NT5C3A: variants seen among roughly 807,000 people sequenced by gnomAD.
NT5C3A encodes the protein cytosolic 5'-nucleotidase 3A.
In NT5C3A, 23 loss-of-function variants were observed where a neutral mutation model predicts 40.0. That is an observed-to-expected ratio of 0.58 (90% CI 0.41 to 0.81). The LOEUF (loss-of-function observed/expected upper bound fraction) is 0.81. Among genes scored for constraint, NT5C3A ranks in the 40% least tolerant of loss-of-function variants. The probability of loss-of-function intolerance (pLI) is 0.00; values close to 1 mark genes in which losing one functional copy is unlikely to be tolerated. For synonymous variants in NT5C3A, 130 were observed against 141.4 expected (o/e 0.92, Z 0.57); for missense variants, 328 against 403.0 (o/e 0.81, Z 1.59).
intron 1 of NT5C3A, among the ~76,000 whole-genome samples, chr7:33,033,029 G>C (rs1235208408): frequency 6.6e-6 from 1 of 152,206 alleles, no homozygotes; most frequent in Non-Finnish European, 1.5e-5. Context: ...TGGGATTACA[G>C]GCATGAGCCA....
intron 1 of NT5C3A, among the ~76,000 whole-genome samples, chr7:33,062,339 G>C (rs1374537675): frequency 6.6e-6 from 1 of 152,220 alleles, no homozygotes; most frequent in East Asian, 1.9e-4. Flanking sequence ...GGCAGCCAAG[G>C]GCCGCAGCCG....
intron 1 of NT5C3A, chr7:33,036,039 G>A (rs777888406): frequency 2.2e-5 from 30 of 1,392,542 alleles, no homozygotes; most frequent in Non-Finnish European, 2.8e-5. Flanking sequence ...AAAAGTACAC[G>A]TGACATACAT....
chr7:33,056,056 G>A (rs572854947), intron 1 of NT5C3A, among the ~76,000 whole-genome samples: 91 of 152,286 alleles, frequency 6.0e-4, no homozygotes, highest in Non-Finnish European at 1.1e-3. Flanking sequence ...GCTACAGTGA[G>A]CTATCATCAT....
At chr7:33,042,115 T>A (rs929456714) in intron 1 of NT5C3A, among the ~76,000 whole-genome samples, 2 of 152,102 alleles carry the variant, frequency 1.3e-5, no homozygotes, top group Non-Finnish European at 2.9e-5. Flanking sequence ...GGCGGGTGGA[T>A]CACCTGAGGT....
intron 6 of NT5C3A, among the ~76,000 whole-genome samples, chr7:33,019,208 A>T (rs564792981): frequency 6.6e-6 from 1 of 152,018 alleles, no homozygotes; most frequent in Non-Finnish European, 1.5e-5. Context: ...TGAGGAAGAG[A>T]TTATGTCACT....
chr7:33,031,686 A>C, intron 1 of NT5C3A, among the ~76,000 whole-genome samples: 1 of 152,324 alleles, frequency 6.6e-6, no homozygotes, highest in South Asian at 2.1e-4. Flanking sequence ...TAAAAATAAA[A>C]AACAAAATAA....
intron 1 of NT5C3A, among the ~76,000 whole-genome samples, chr7:33,032,261 TA>T (rs1265306726): frequency 1.3e-5 from 2 of 150,086 alleles, no homozygotes; most frequent in Non-Finnish European, 3.0e-5. Context: ...CCATCTCTAC[TA>T]AATATACAAA....
chr7:33,019,495 A>AT, intron 6 of NT5C3A, 140 bp downstream of exon 6: 1 of 683,048 alleles, frequency 1.5e-6, no homozygotes. Flanking sequence ...ACCACTATGT[A>AT]TTTTGTGATA....
chr7:33,030,267 C>G (rs1295522439), intron 1 of NT5C3A, among the ~76,000 whole-genome samples: 3 of 152,108 alleles, frequency 2.0e-5, no homozygotes, highest in Middle Eastern at 3.2e-3. Flanking sequence ...TGAAATACAT[C>G]ACATACTTTT....
At chr7:33,050,654 C>A (rs936738987) in intron 1 of NT5C3A, among the ~76,000 whole-genome samples, 50 of 152,228 alleles carry the variant, frequency 3.3e-4, no homozygotes, top group African/African-American at 1.2e-3. Flanking sequence ...AGGAACTTGG[C>A]AAACAAATGA....
intron 1 of NT5C3A, among the ~76,000 whole-genome samples, chr7:33,028,186 G>A (rs1319049563): frequency 2.0e-5 from 3 of 152,218 alleles, no homozygotes; most frequent in Admixed American, 6.5e-5. Context: ...GCACATGCCT[G>A]TAATCCCAGC....
chr7:33,056,515 A>G (rs1337568852), intron 1 of NT5C3A, among the ~76,000 whole-genome samples: 1 of 124,284 alleles, frequency 8.0e-6, no homozygotes, highest in East Asian at 2.3e-4. Context: ...AAAAAAAAAA[A>G]ATTTAACTTA....
intron 1 of NT5C3A, among the ~76,000 whole-genome samples, chr7:33,040,460 C>A (rs571454557): frequency 6.6e-6 from 1 of 152,130 alleles, no homozygotes; most frequent in Non-Finnish European, 1.5e-5. Flanking sequence ...ATCTTTATTA[C>A]TACCCATAAT....
intron 1 of NT5C3A, among the ~76,000 whole-genome samples, chr7:33,031,675 C>G (rs1052718331): frequency 1.3e-4 from 19 of 151,914 alleles, no homozygotes; most frequent in African/African-American, 4.6e-4. Flanking sequence ...TATTCTTAAA[C>G]TAAAAATAAA....
At chr7:33,048,160 T>C (rs1362607566) in intron 1 of NT5C3A, among the ~76,000 whole-genome samples, 1 of 145,754 alleles carries the variant, frequency 6.9e-6, no homozygotes, top group African/African-American at 2.6e-5. Flanking sequence ...TCATTTATAG[T>C]ATTGATACAT....
intron 1 of NT5C3A, among the ~76,000 whole-genome samples, chr7:33,050,082 C>T (rs181137597): frequency 1.9e-4 from 29 of 151,794 alleles, no homozygotes; most frequent in African/African-American, 2.7e-4. Context: ...AAGAATCAAA[C>T]GAATGCTGAC....
Position 33,021,339 on chromosome 7 carries a change from T to C in NT5C3A, c.373A>G (p.Lys125Glu). Residue 125 changes from lysine to glutamate, a missense_variant, in exon 5 of 9, where the codon AAA (lysine) becomes GAA (glutamate). Around this residue, in one of 3 missense-constraint regions of NT5C3A, gnomAD observed 280 missense variants for 317.2 expected, o/e 0.88. Coordinates refer to ENST00000610140, the MANE Select transcript of NT5C3A (RefSeq NM_001002010.5). The part of the protein sequence containing the change: ...CRKKLLQLKE[K>E]YYAIEVDPVL... ...GGATCAACTTCAATAGCGTAATATTTTTCCTTTAGTTGCAATAACTAGGAA... is the reference window on the plus strand; with the variant it reads ...GGATCAACTTCAATAGCGTAATATTCTTCCTTTAGTTGCAATAACTAGGAA... 6.2e-7 allele frequency: 1 copy of C among 1,611,108 alleles called. No homozygotes were observed.
chr7:33,024,822 GTTA>G (rs1785830715), intron 2 of NT5C3A, among the ~76,000 whole-genome samples: 1 of 152,162 alleles, frequency 6.6e-6, no homozygotes, highest in East Asian at 1.9e-4. Flanking sequence ...TATATATACA[GTTA>G]TTATGTATCG....
At chr7:33,033,033 T>A (rs376129175) in intron 1 of NT5C3A, among the ~76,000 whole-genome samples, 2 of 152,232 alleles carry the variant, frequency 1.3e-5, no homozygotes, top group African/African-American at 4.8e-5. Flanking sequence ...ATTACAGGCA[T>A]GAGCCACAGT....
Sources: gnomAD v4.1 joint callset for allele counts (sites outside exome capture counted in the v4.1 genomes callset) on GRCh38, gnomAD v4.1.1 for gene constraint, gnomAD v4.1.1 regional missense constraint, MANE v1.5 for transcripts, NCBI Gene and HGNC (gene_info 2026-07-23, HGNC 2026-07-21) for gene names.